The following SERPINA10 variants were observed in gnomAD, a reference collection of about 807,000 sequenced individuals.
SERPINA10 encodes serpin family A member 10, also known as protein Z-dependent protease inhibitor.
Under a neutral mutation model 28.0 loss-of-function variants are expected in SERPINA10, and 24 were observed. The observed-to-expected ratio is 0.86, with a 90% CI of 0.62 to 1.20. The LOEUF (loss-of-function observed/expected upper bound fraction) is 1.20, where lower values mean the gene tolerates loss of function less well. Ranked by LOEUF, SERPINA10 falls within the 50% of genes most tolerant of loss-of-function variation. SERPINA10 has a pLI of 0.00. For missense variants in SERPINA10, 521 were observed against 537.7 expected (o/e 0.97, Z 0.31); for synonymous variants, 207 against 203.9 (o/e 1.02, Z -0.13).
intron 4 of SERPINA10, among the ~76,000 whole-genome samples, chr14:94,285,580 C>CAT (rs71463937): frequency 0.12 from 18,727 of 150,334 alleles, 1,278 homozygotes; most frequent in Admixed American, 0.21. Context: ...TATATACACA[C>CAT]ATATATATAT....
intron 2 of SERPINA10, among the ~76,000 whole-genome samples, chr14:94,289,291 C>T (rs556778082): frequency 6.6e-6 from 1 of 152,368 alleles, no homozygotes; most frequent in South Asian, 2.1e-4. Context: ...GCCTCTGCCA[C>T]TTACTGTGTG....
At chr14:94,288,822 A>G (rs1895090067) in intron 2 of SERPINA10, among the ~76,000 whole-genome samples, 1 of 152,188 alleles carries the variant, frequency 6.6e-6, no homozygotes, top group Non-Finnish European at 1.5e-5. Flanking sequence ...ATCGCACACG[A>G]AAGCAGGGAA....
At chr14:94,291,396 G>A (rs1294766370) in intron 1 of SERPINA10, among the ~76,000 whole-genome samples, 2 of 152,160 alleles carry the variant, frequency 1.3e-5, no homozygotes, top group Non-Finnish European at 2.9e-5. Context: ...CTTCTTCACC[G>A]TTAGCTGTCC....
At position 94,290,588 on chromosome 14, in the gene SERPINA10, C is replaced by T. The variant is rs1207169499; in HGVS notation, c.6G>A (p.Lys2=). The change falls in exon 2 of 5, where the codon AAG becomes AAA. Residue 2 remains lysine (K), a synonymous_variant. Coordinates refer to ENST00000261994, the MANE Select transcript of SERPINA10 (RefSeq NM_001100607.3). M[K]VVPSLLLSVL... ...CGGAGAGCAGGAGACTTGGCACCAC[C>T]TTCATGTGATCGGCTGCGGAGGCCA... 2 of 1,613,570 alleles carry T rather than the reference C, an allele frequency of 1.2e-6. No homozygotes were observed.
chr14:94,290,771 C>T (rs1053485180), intron 1 of SERPINA10, 128 bp from the exon 2 acceptor site: 6 of 1,007,124 alleles, frequency 6.0e-6, no homozygotes, highest in Non-Finnish European at 8.7e-6. Flanking sequence ...CCAGGGAGAC[C>T]TAGAGCAAGT....
rs1037701200 is a variant in SERPINA10 at position 94,281,069 on chromosome 14, C to T, written c.*2896G>A. 4.6e-5 allele frequency: 7 copies of T among 152,158 alleles called. No individual in the cohort carries two copies. The highest frequency in any genetic ancestry group is 1.7e-4 in the African/African-American group (7 of 41,422). 9.4% of individuals were successfully genotyped at this position (152,158 alleles called of 1,614,324 possible). A position where few individuals can be genotyped will look rare whatever the true frequency, so the allele number is the denominator to read the frequency against. ...AGAATGAATTAGATTAAGTCAGTAA[C>T]CTGTTCTCAGTTGTTACAGCATATA... is the stretch of plus-strand genomic sequence containing the variant. On this transcript the variant is annotated 3_prime_UTR_variant, in exon 5 of 5. Transcript: ENST00000261994.
At chr14:94,286,488 C>T (rs1165467784) in intron 3 of SERPINA10, among the ~76,000 whole-genome samples, 1 of 152,154 alleles carries the variant, frequency 6.6e-6, no homozygotes, top group Non-Finnish European at 1.5e-5. Flanking sequence ...CAGTGACTCA[C>T]GTTTTCTTTA....
At position 94,280,555 on chromosome 14, in the gene SERPINA10, A is replaced by G. The variant is rs1215483738; in HGVS notation, c.*3410T>C. The G allele has an allele frequency of 6.6e-6, 1 of 152,220 alleles. No homozygotes were observed. Among genetic ancestry groups the G allele is most frequent in the Non-Finnish European group, 1.5e-5 (1 of 68,020 alleles). The allele number at this position is 152,220 out of a possible 1,614,324, so 9.4% of individuals were successfully genotyped here. ...ATTACTGACAGTTATGAATAACTAC[A>G]TGTATCTCCATTTATATCAAAAACA... is the stretch of plus-strand genomic sequence containing the variant. On this transcript the variant is annotated 3_prime_UTR_variant, in exon 5 of 5. Transcript: ENST00000261994.
chr14:94,286,029 A>C, intron 4 of SERPINA10, 79 bp downstream of exon 4: 5 of 1,550,072 alleles, frequency 3.2e-6, no homozygotes, highest in Non-Finnish European at 4.4e-6. Context: ...ATTTTATCAA[A>C]GTTAAATGGT....
Position 94,284,121 on chromosome 14 carries a change from C to T in SERPINA10, c.1179G>A (p.Arg393=), listed in dbSNP as rs375617298. Residue 393 remains arginine, a synonymous_variant, in exon 5 of 5, where the codon AGG becomes AGA. Coordinates refer to ENST00000261994, the MANE Select transcript of SERPINA10 (RefSeq NM_001100607.3). ...LQRTVIEVDE[R]GTEAVAGILS... is the part of the protein sequence containing the mutation. ...AGATTCCTGCCACTGCCTCAGTGCCCCTTTCATCAACTTCAATCACTGTTC... is the reference window on the plus strand; with the variant it reads ...AGATTCCTGCCACTGCCTCAGTGCCTCTTTCATCAACTTCAATCACTGTTC... 1.9e-6 allele frequency: 3 copies of T among 1,614,158 alleles called. No individual in the cohort carries two copies. The highest frequency in any genetic ancestry group is 1.3e-5 in the African/African-American group (1 of 75,038).
At position 94,283,956 on chromosome 14, in the gene SERPINA10, T is replaced by C. The variant is rs751642598; in HGVS notation, c.*9A>G. On this transcript the variant is annotated 3_prime_UTR_variant, in exon 5 of 5. Transcript: ENST00000261994. ...TACTACAGCACGAAGTGCTTATGCG[T>C]GTCCTGAATTATAGGAGAGTCGGAT... The C allele has an allele frequency of 5.0e-6, 8 of 1,613,676 alleles. No individual in the cohort carries two copies. Among genetic ancestry groups the C allele is most frequent in the East Asian group, 2.2e-5 (1 of 44,872 alleles).
In SERPINA10 at chr14:94,282,003, TG is replaced by T. The variant is rs1223123568; in HGVS notation, c.*1961del. The T allele has an allele frequency of 1.3e-5, 2 of 152,706 alleles. No homozygotes were observed. Among genetic ancestry groups the T allele is most frequent in the African/African-American group, 4.8e-5 (2 of 41,584 alleles). 9.5% of individuals were successfully genotyped at this position (152,706 alleles called of 1,614,324 possible). A position where few individuals can be genotyped will look rare whatever the true frequency, so the allele number is the denominator to read the frequency against. ...GAACACAAACAAGGTGACTTAAGAA[TG>T]TCAGATAGAGTTAGTCCTCTGTCTT... On this transcript the variant is annotated 3_prime_UTR_variant, in exon 5 of 5. Transcript: ENST00000261994.
intron 1 of SERPINA10, among the ~76,000 whole-genome samples, chr14:94,291,858 T>C (rs1249278327): frequency 6.6e-6 from 1 of 152,252 alleles, no homozygotes; most frequent in Non-Finnish European, 1.5e-5. Context: ...GGGCCCAGCA[T>C]GTTGCCCCTT....
At chr14:94,285,552 C>G (rs1017546070) in intron 4 of SERPINA10, among the ~76,000 whole-genome samples, 7 of 150,672 alleles carry the variant, frequency 4.6e-5, no homozygotes, top group Non-Finnish European at 1.0e-4. Context: ...CATTTATACA[C>G]ACATACATAT....
rs1186667823 is a variant in SERPINA10 at position 94,280,527 on chromosome 14, C to T, written c.*3438G>A. The T allele has an allele frequency of 6.6e-6, 1 of 152,072 alleles. No homozygotes were observed. Among genetic ancestry groups the T allele is most frequent in the Non-Finnish European group, 1.5e-5 (1 of 67,978 alleles). The allele number at this position is 152,072 out of a possible 1,614,324, so 9.4% of individuals were successfully genotyped here. A position where few individuals can be genotyped will look rare whatever the true frequency, so the allele number is the denominator to read the frequency against. Reference sequence around the variant, plus strand: ...AGATATATAGAAACAGGATAAACAGCAAATTACTGACAGTTATGAATAACT... The same window carrying T: ...AGATATATAGAAACAGGATAAACAGTAAATTACTGACAGTTATGAATAACT... On this transcript the variant is annotated 3_prime_UTR_variant, in exon 5 of 5. Coordinates refer to ENST00000261994, the MANE Select transcript of SERPINA10 (RefSeq NM_001100607.3).
rs759152352 is a variant in SERPINA10, at chr14:94,288,480, C to G, written c.798G>C (p.Val266=). 1.7e-5 allele frequency: 27 copies of G among 1,614,056 alleles called. No homozygotes were observed. The highest frequency in any genetic ancestry group is 2.3e-5 in the Non-Finnish European group (27 of 1,180,030). The change falls in exon 3 of 5, where the codon GTG becomes GTC. Residue 266 remains valine, a synonymous_variant. Transcript: ENST00000261994. Reference sequence around the variant, plus strand: ...ACTTGCCTGCACCGTACATCATGGGCACCTTAATGGTCTTGTACTTGTCCA... The same window carrying G: ...ACTTGCCTGCACCGTACATCATGGGGACCTTAATGGTCTTGTACTTGTCCA... ...FHLDKYKTIK[V]PMMYGAGKFA...
rs562159599 is a variant in SERPINA10, at chr14:94,285,582, T to C, written c.1143+526A>G. Among the ~76,000 whole-genome samples the C allele has an allele frequency of 5.4e-4, 82 of 150,986 alleles. 1 individual carries two copies. The highest frequency in any genetic ancestry group is 5.2e-3 in the East Asian group (27 of 5,148). ...ACATATATACATATATATACACACA[T>C]ATATATATATACATATAACAATTTT... On this transcript the variant is annotated intron_variant, in intron 4 of 4. Transcript: ENST00000261994.
rs1046850738 is a variant in SERPINA10 at position 94,280,891 on chromosome 14, T to C, written c.*3074A>G. On this transcript the variant is annotated 3_prime_UTR_variant, in exon 5 of 5. Transcript: ENST00000261994. ...TTTTCTTTATAACCTCTTACACATTTAAAAAATCATTTCTATTATTTGACT... is the reference window on the plus strand; with the variant it reads ...TTTTCTTTATAACCTCTTACACATTCAAAAAATCATTTCTATTATTTGACT... 6.6e-6 allele frequency: 1 copy of C among 152,192 alleles called. No individual in the cohort carries two copies. The highest frequency in any genetic ancestry group is 1.5e-5 in the Non-Finnish European group (1 of 68,036). 9.4% of individuals were successfully genotyped at this position (152,192 alleles called of 1,614,324 possible). A position where few individuals can be genotyped will look rare whatever the true frequency, so the allele number is the denominator to read the frequency against.
At chr14:94,286,402 G>A in intron 3 of SERPINA10, 144 bp from the exon 4 acceptor site, 1 of 890,112 alleles carries the variant, frequency 1.1e-6, no homozygotes, top group Non-Finnish European at 1.8e-6. Flanking sequence ...TTCTTTTACA[G>A]TGGTCTACTC....
Sources: gnomAD v4.1 joint callset for allele counts (sites outside exome capture counted in the v4.1 genomes callset) on GRCh38, gnomAD v4.1.1 for gene constraint, MANE v1.5 for transcripts, NCBI Gene and HGNC (gene_info 2026-07-23, HGNC 2026-07-21) for gene names.